CAMK2B: variants seen among roughly 807,000 people sequenced by gnomAD.
CAMK2B encodes the protein calcium/calmodulin-dependent protein kinase type II subunit beta.
In CAMK2B, 27 loss-of-function variants were observed where a neutral mutation model predicts 93.7. That is an observed-to-expected ratio of 0.29 (90% CI 0.21 to 0.40). The LOEUF (loss-of-function observed/expected upper bound fraction) is 0.40, where lower values mean the gene tolerates loss of function less well. CAMK2B is among the 10% of genes least tolerant of loss of function. The probability of loss-of-function intolerance (pLI) is 1.00; values close to 1 mark genes in which losing one functional copy is unlikely to be tolerated. For synonymous variants in CAMK2B, 374 were observed against 358.8 expected, an observed-to-expected ratio of 1.04 and a Z score of -0.48; for missense variants, 568 against 895.8, an observed-to-expected ratio of 0.63 and a Z score of 4.67.
At chr7:44,260,653 G>C (rs2096872254) in intron 3 of CAMK2B, among the ~76,000 whole-genome samples, 1 of 152,270 alleles carries the variant, frequency 6.6e-6, no homozygotes, top group South Asian at 2.1e-4. Flanking sequence ...GTGAGCACTA[G>C]GTAAACCACA....
At chr7:44,291,540 C>T (rs1563042562) in intron 1 of CAMK2B, among the ~76,000 whole-genome samples, 1 of 152,218 alleles carries the variant, frequency 6.6e-6, no homozygotes, top group Non-Finnish European at 1.5e-5. Flanking sequence ...TCGGCCACAG[C>T]CTGGGCCGGC....
In CAMK2B at chr7:44,247,803, G is replaced by A. The variant is rs537124048; in HGVS notation, c.342-611C>T. Reference sequence around the variant, plus strand: ...AGCACTTTGGGAGGCCAAGGTGGGCGGATCACCTGAGGTCAGGAGTTCAAG... The same window carrying A: ...AGCACTTTGGGAGGCCAAGGTGGGCAGATCACCTGAGGTCAGGAGTTCAAG... On this transcript the variant is annotated intron_variant, in intron 5 of 23. Coordinates refer to ENST00000395749, the MANE Select transcript of CAMK2B (RefSeq NM_001220.5). Among the ~76,000 whole-genome samples, 26 of 152,326 alleles carry A rather than the reference G, an allele frequency of 1.7e-4. No homozygotes were observed. The South Asian group carries it at 2.7e-3, about 16-fold the overall frequency.
chr7:44,253,839 C>T (rs896556915), intron 5 of CAMK2B, among the ~76,000 whole-genome samples: 3 of 152,104 alleles, frequency 2.0e-5, no homozygotes, highest in Non-Finnish European at 4.4e-5. Flanking sequence ...CTCAAGCAAT[C>T]CTCCTGTCTT....
At position 44,247,196 on chromosome 7, in the gene CAMK2B, T is replaced by C; in HGVS notation, c.342-4A>G. 1 of 1,613,878 alleles carries C rather than the reference T, an allele frequency of 6.2e-7. No individual in the cohort carries two copies. Among genetic ancestry groups the C allele is most frequent in the Non-Finnish European group, 8.5e-7 (1 of 1,179,842 alleles). ...CAGGATCTGCTGGATACAGTGACTGTGGCAAACAGCAGGTGGGTTAGTGCG... is the reference window on the plus strand; with the variant it reads ...CAGGATCTGCTGGATACAGTGACTGCGGCAAACAGCAGGTGGGTTAGTGCG... On this transcript the variant is annotated splice_polypyrimidine_tract_variant and splice_region_variant and intron_variant, in intron 5 of 23. Transcript: ENST00000395749.
At chr7:44,308,828 C>A (rs999741136) in intron 1 of CAMK2B, among the ~76,000 whole-genome samples, 7 of 152,172 alleles carry the variant, frequency 4.6e-5, no homozygotes, top group African/African-American at 1.7e-4. Flanking sequence ...GCGAGCCCCT[C>A]GTCTCTCCTC....
rs1218457035 is a variant in CAMK2B at position 44,218,789 on chromosome 7, T to C, written c.*736A>G. 1.3e-5 allele frequency: 2 copies of C among 152,330 alleles called. No homozygotes were observed. Among genetic ancestry groups the C allele is most frequent in the Non-Finnish European group, 2.9e-5 (2 of 68,166 alleles). 9.4% of individuals were successfully genotyped at this position (152,330 alleles called of 1,614,324 possible). On this transcript the variant is annotated 3_prime_UTR_variant, in exon 24 of 24. Transcript: ENST00000395749. ...GTGTGTAGGGGCATCTCTGAAGGCC[T>C]TGGGGACGGGACTCCAGTTTCAATA...
At chr7:44,301,988 T>C (rs529430384) in intron 1 of CAMK2B, among the ~76,000 whole-genome samples, 19 of 152,038 alleles carry the variant, frequency 1.2e-4, no homozygotes, top group Non-Finnish European at 2.4e-4. Flanking sequence ...ATCAATAAAA[T>C]TGGAAAACTG....
intron 9 of CAMK2B, 85 bp downstream of exon 9, chr7:44,242,475 C>A (rs2096689643): frequency 1.3e-6 from 2 of 1,503,726 alleles, no homozygotes; most frequent in East Asian, 4.6e-5. Context: ...GTGGCTTCAC[C>A]CCACTCCTAG....
chr7:44,239,763 G>A lies in CAMK2B; in HGVS notation c.947-100C>T, dbSNP rs1238832919. On this transcript the variant is annotated intron_variant, in intron 12 of 23. Transcript: ENST00000395749. Reference sequence around the variant, plus strand: ...AAGAAAAGAGACAAAGGAAGCAGAAGAAGATTAGAGTTAAAGTTTAGGTGA... The same window carrying A: ...AAGAAAAGAGACAAAGGAAGCAGAAAAAGATTAGAGTTAAAGTTTAGGTGA... The A allele has an allele frequency of 4.8e-6, 4 of 826,684 alleles. No individual in the cohort carries two copies. In the Admixed American group the frequency reaches 8.3e-5, roughly 17 times the overall value. The allele number at this position is 826,684 out of a possible 1,614,324, so 51.2% of individuals were successfully genotyped here.
intron 5 of CAMK2B, among the ~76,000 whole-genome samples, chr7:44,251,422 G>T (rs924318195): frequency 1.3e-5 from 2 of 152,228 alleles, no homozygotes; most frequent in Non-Finnish European, 2.9e-5. Flanking sequence ...GTGGCCCCAG[G>T]CAGGGCACGA....
At chr7:44,285,811 C>CG (rs557158703) in intron 1 of CAMK2B, among the ~76,000 whole-genome samples, 24,405 of 89,056 alleles carry the variant, frequency 0.27, 4,232 homozygotes, top group Non-Finnish European at 0.37. Flanking sequence ...GGAGATGCGG[C>CG]GGGGGGGAGG....
chr7:44,268,524 G>A (rs552505317), intron 2 of CAMK2B: 7 of 152,452 alleles, frequency 4.6e-5, no homozygotes, highest in African/African-American at 1.7e-4. Context: ...TGGGTTACCT[G>A]CCTGCAGAGG....
intron 11 of CAMK2B, 87 bp downstream of exon 11, chr7:44,241,613 G>A (rs1345950178): frequency 2.9e-6 from 3 of 1,030,074 alleles, no homozygotes; most frequent in East Asian, 4.7e-5. Flanking sequence ...CCCTAGGTCT[G>A]CCCAGACCCC....
chr7:44,280,430 G>A (rs1462330093), intron 2 of CAMK2B, among the ~76,000 whole-genome samples: 1 of 152,228 alleles, frequency 6.6e-6, no homozygotes, highest in African/African-American at 2.4e-5. Flanking sequence ...TGTCAGAGCT[G>A]TGGGTCTAGG....
At chr7:44,242,381 C>A (rs1405635567) in intron 9 of CAMK2B, 41 bp from the exon 10 acceptor site, 3 of 1,597,540 alleles carry the variant, frequency 1.9e-6, no homozygotes, top group African/African-American at 2.7e-5. Flanking sequence ...CTGAAGCTCC[C>A]TCTCAGGCAG....
intron 2 of CAMK2B, among the ~76,000 whole-genome samples, chr7:44,282,493 G>A (rs1256367281): frequency 6.6e-6 from 1 of 152,190 alleles, no homozygotes; most frequent in East Asian, 1.9e-4. Context: ...ACCCTCCCAT[G>A]GCCCCTCGTG....
chr7:44,225,101 C>T lies in CAMK2B; in HGVS notation c.1597+1415G>A, dbSNP rs912976548. Among the ~76,000 whole-genome samples, 2 of 152,054 alleles carry T rather than the reference C, an allele frequency of 1.3e-5. No individual in the cohort carries two copies. Among genetic ancestry groups the T allele is most frequent in the Non-Finnish European group, 2.9e-5 (2 of 67,990 alleles). ...CTGTGCTGTGGCCCCTGAAGGTGAGCCTGGACACCGAGCCCCGAGCTGGCC... is the reference window on the plus strand; with the variant it reads ...CTGTGCTGTGGCCCCTGAAGGTGAGTCTGGACACCGAGCCCCGAGCTGGCC... On this transcript the variant is annotated intron_variant, in intron 20 of 23. Coordinates refer to ENST00000395749, the MANE Select transcript of CAMK2B (RefSeq NM_001220.5). The surrounding 1 kb of genome is among the most constrained non-coding windows in gnomAD (Gnocchi z 5.0).
chr7:44,231,165 A>G (rs13438284), intron 16 of CAMK2B, 111 bp from the exon 17 acceptor site: 173,444 of 760,862 alleles, frequency 0.23, 24,052 homozygotes, highest in Middle Eastern at 0.29. Context: ...CAGGCTCTGA[A>G]GCTGATCTCT....
At position 44,259,011 on chromosome 7, in the gene CAMK2B, C is replaced by T. The variant is rs2096857252; in HGVS notation, c.221-85G>A. Reference sequence around the variant, plus strand: ...CCTCCGTACCTGTCCAGGCACACCACCAGCGGTGTAAGCCCTAGGGCTGCC... The same window carrying T: ...CCTCCGTACCTGTCCAGGCACACCATCAGCGGTGTAAGCCCTAGGGCTGCC... On this transcript the variant is annotated intron_variant, in intron 3 of 23. Coordinates refer to ENST00000395749, the MANE Select transcript of CAMK2B (RefSeq NM_001220.5). 6 of 1,242,554 alleles carry T rather than the reference C, an allele frequency of 4.8e-6. No individual in the cohort carries two copies. The African/African-American group carries it at 8.9e-5, about 19-fold the overall frequency. The allele number at this position is 1,242,554 out of a possible 1,614,324, so 77.0% of individuals were successfully genotyped here.
Sources: allele counts gnomAD v4.1 joint callset (sites outside exome capture counted in the v4.1 genomes callset), GRCh38; gene constraint gnomAD v4.1.1; non-coding constraint Gnocchi (gnomAD v3.1); transcripts MANE v1.5; gene names NCBI Gene and HGNC (gene_info 2026-07-23, HGNC 2026-07-21).